Variants in SLCO3A1 observed in about 807,000 individuals in gnomAD.
SLCO3A1 encodes the protein PGE1 transporter.
In SLCO3A1, 27 loss-of-function variants were observed where a neutral mutation model predicts 63.1. The observed-to-expected ratio is 0.43, with a 90% CI of 0.32 to 0.59. SLCO3A1 has a LOEUF of 0.59. Ranked by LOEUF, SLCO3A1 falls within the 20% of genes least tolerant of loss-of-function variation. The probability of loss-of-function intolerance (pLI) is 0.09; values close to 1 mark genes in which losing one functional copy is unlikely to be tolerated. For missense variants in SLCO3A1, 773 were observed against 945.8 expected (o/e 0.82, Z 2.40); for synonymous variants, 473 against 409.9 (o/e 1.15, Z -1.86).
chr15:92,118,800 G>C (rs2047826647), intron 4 of SLCO3A1, among the ~76,000 whole-genome samples: 1 of 150,762 alleles, frequency 6.6e-6, no homozygotes, highest in South Asian at 2.1e-4. Context: ...GTTTGCATAG[G>C]TGGAAACAAG....
intron 2 of SLCO3A1, among the ~76,000 whole-genome samples, chr15:91,962,642 A>G (rs918291096): frequency 2.0e-5 from 3 of 151,932 alleles, no homozygotes; most frequent in Non-Finnish European, 4.4e-5. Flanking sequence ...ATGGCTGTGG[A>G]AGGTCCTAAG....
At position 92,171,831 on chromosome 15, in the gene SLCO3A1, C is replaced by G. The variant is rs1425006984; in HGVS notation, c.2048C>G (p.Ser683Ter). ...GAGAAAACCTGCCCCGAATCACATT[C>G]ACCTTCAGAAGACTCCTTTGTGAGA... is the stretch of plus-strand genomic sequence containing the variant. The change falls in exon 11 of 11, where the codon TCA becomes TGA. Residue 683 changes from serine to a stop codon, truncating the protein, a stop_gained. Transcript: ENST00000424469. LOFTEE classifies it high-confidence loss of function. 6.4e-7 allele frequency: 1 copy of G among 1,551,592 alleles called. No individual in the cohort carries two copies. The highest frequency in any genetic ancestry group is 1.4e-5 in the African/African-American group (1 of 73,152).
intron 2 of SLCO3A1, among the ~76,000 whole-genome samples, chr15:91,931,801 G>GCACACACACA (rs747533145): frequency 4.0e-5 from 6 of 149,770 alleles, no homozygotes; most frequent in Non-Finnish European, 7.4e-5. Context: ...ACACACACAC[G>GCACACACACA]CACACACACA....
intron 1 of SLCO3A1, among the ~76,000 whole-genome samples, chr15:91,874,691 G>A (rs568245515): frequency 6.6e-5 from 10 of 152,266 alleles, no homozygotes; most frequent in South Asian, 2.1e-4. Context: ...GAATAATGCC[G>A]CTCCGATCAT....
At chr15:91,937,289 G>A (rs777571144) in intron 2 of SLCO3A1, among the ~76,000 whole-genome samples, 21 of 152,204 alleles carry the variant, frequency 1.4e-4, no homozygotes, top group Non-Finnish European at 2.8e-4. Flanking sequence ...AGGTAGCACG[G>A]GCAAAGCACT....
intron 4 of SLCO3A1, among the ~76,000 whole-genome samples, chr15:92,111,726 G>T (rs1162718904): frequency 6.6e-6 from 1 of 152,214 alleles, no homozygotes; most frequent in Non-Finnish European, 1.5e-5. Context: ...ATGTGAGGGT[G>T]CCTAGCATGA....
intron 1 of SLCO3A1, among the ~76,000 whole-genome samples, chr15:91,910,335 T>C (rs1898445049): frequency 6.6e-6 from 1 of 152,252 alleles, no homozygotes; most frequent in African/African-American, 2.4e-5. Flanking sequence ...TTGCAGGCTG[T>C]ACCATTGTTA....
At chr15:92,142,799 G>C (rs1040765409) in intron 7 of SLCO3A1, among the ~76,000 whole-genome samples, 4 of 152,164 alleles carry the variant, frequency 2.6e-5, no homozygotes, top group African/African-American at 9.7e-5. Flanking sequence ...TGAGTGCCAT[G>C]ATCAGAGGAT....
chr15:92,122,613 A>G (rs1415294089), intron 5 of SLCO3A1, among the ~76,000 whole-genome samples: 3 of 152,200 alleles, frequency 2.0e-5, no homozygotes, highest in Non-Finnish European at 2.9e-5. Flanking sequence ...AAAGCTAACC[A>G]TATGTCTGTG....
chr15:91,970,874 A>G (rs1157210470), intron 2 of SLCO3A1, among the ~76,000 whole-genome samples: 1 of 151,930 alleles, frequency 6.6e-6, no homozygotes, highest in African/African-American at 2.4e-5. Flanking sequence ...AACCAGATGA[A>G]GGGTGTGTGT....
At chr15:92,018,756 T>G (rs1013856586) in intron 2 of SLCO3A1, among the ~76,000 whole-genome samples, 6 of 151,686 alleles carry the variant, frequency 4.0e-5, no homozygotes, top group Non-Finnish European at 7.4e-5. Flanking sequence ...GATCACGGGG[T>G]GGGTTGGAGT....
intron 2 of SLCO3A1, among the ~76,000 whole-genome samples, chr15:91,963,412 G>GAGGA (rs55961800): frequency 1.7e-5 from 1 of 58,228 alleles, no homozygotes; most frequent in African/African-American, 7.8e-5. Context: ...GGAGGGTGGG[G>GAGGA]GGGGGGGGCG....
At chr15:91,985,954 A>G (rs933662619) in intron 2 of SLCO3A1, among the ~76,000 whole-genome samples, 3 of 152,148 alleles carry the variant, frequency 2.0e-5, no homozygotes, top group African/African-American at 7.2e-5. Flanking sequence ...TTGGGGGAAG[A>G]GGGTGCCATG....
chr15:92,088,838 GA>G (rs1176855659), intron 2 of SLCO3A1, among the ~76,000 whole-genome samples: 1 of 151,980 alleles, frequency 6.6e-6, no homozygotes, highest in Non-Finnish European at 1.5e-5. Context: ...TGCCTATGGG[GA>G]CTCTGCAGTA....
At chr15:92,079,192 G>A (rs1232965767) in intron 2 of SLCO3A1, among the ~76,000 whole-genome samples, 2 of 152,138 alleles carry the variant, frequency 1.3e-5, no homozygotes, top group Admixed American at 6.5e-5. Flanking sequence ...CTGCATTCAC[G>A]TTGGATGGCC....
At chr15:92,127,600 T>C (rs1027160323) in intron 6 of SLCO3A1, among the ~76,000 whole-genome samples, 1 of 152,206 alleles carries the variant, frequency 6.6e-6, no homozygotes, top group African/African-American at 2.4e-5. Context: ...TTAGGAGACA[T>C]AGCTGAAAAT....
intron 7 of SLCO3A1, among the ~76,000 whole-genome samples, chr15:92,145,342 G>C (rs2048207403): frequency 6.6e-6 from 1 of 152,198 alleles, no homozygotes. Flanking sequence ...CATTTTAAGT[G>C]AAAGTTGGGG....
At chr15:91,869,904 G>T (rs761373704) in intron 1 of SLCO3A1, among the ~76,000 whole-genome samples, 2 of 152,136 alleles carry the variant, frequency 1.3e-5, no homozygotes, top group Non-Finnish European at 2.9e-5. Context: ...TGTCCCTGCA[G>T]ATGCTCACCT....
chr15:92,111,489 A>C (rs207960), intron 4 of SLCO3A1, among the ~76,000 whole-genome samples: 114,614 of 151,918 alleles, frequency 0.75, 43,337 homozygotes, highest in Admixed American at 0.84. Flanking sequence ...AGGAGACCAT[A>C]TGCCCTCCCA....
Sources: allele counts gnomAD v4.1 joint callset (sites outside exome capture counted in the v4.1 genomes callset), GRCh38; gene constraint gnomAD v4.1.1; transcripts MANE v1.5; gene names NCBI Gene and HGNC (gene_info 2026-07-23, HGNC 2026-07-21).